Variants in KLHL26 observed in about 807,000 individuals in gnomAD.
KLHL26 encodes the protein kelch-like protein 26.
KLHL26 carries 4 observed loss-of-function variants against 7.1 expected under a neutral mutation model. That is an observed-to-expected ratio of 0.56 (90% CI 0.28 to 1.28). The LOEUF is 1.28. KLHL26 is among the 50% of genes most tolerant of loss of function. The probability of loss-of-function intolerance (pLI) is 0.11; values close to 1 mark genes in which losing one functional copy is unlikely to be tolerated. For synonymous variants in KLHL26, 465 were observed against 414.1 expected (o/e 1.12, Z -1.49); for missense variants, 896 against 924.6 (o/e 0.97, Z 0.40).
Position 18,667,817 on chromosome 19 carries a change from C to A in KLHL26, c.420C>A (p.Ala140=). 6.2e-7 allele frequency: 1 copy of A among 1,613,324 alleles called. No homozygotes were observed. The highest frequency in any genetic ancestry group is 1.3e-5 in the African/African-American group (1 of 75,042). Residue 140 remains alanine (A), a synonymous_variant, in exon 3 of 3, where the codon GCC becomes GCA. Transcript: ENST00000300976. The part of the protein sequence containing the change: ...LDCVQDVLGA[A]VFLQMLPVVE... ...GCGTGCAGGACGTGCTGGGCGCGGC[C>A]GTGTTCTTGCAGATGCTGCCCGTGG...
chr19:18,664,256 C>T lies in KLHL26; in HGVS notation c.84-5C>T, dbSNP rs778005147. The T allele has an allele frequency of 3.5e-5, 56 of 1,590,632 alleles. No individual in the cohort carries two copies. The highest frequency in any genetic ancestry group is 3.9e-5 in the Non-Finnish European group (46 of 1,168,996). On this transcript the variant is annotated splice_region_variant and splice_polypyrimidine_tract_variant and intron_variant, in intron 1 of 2. Transcript: ENST00000300976. ...GCCATGTCCCCACCTCTGCTTTCCC[C>T]GCAGCACGGCCGACAAGAACGGGGC...
chr19:18,651,499 T>C (rs2052256208), intron 1 of KLHL26, among the ~76,000 whole-genome samples: 1 of 152,226 alleles, frequency 6.6e-6, no homozygotes, highest in Admixed American at 6.5e-5. Context: ...GGGGCCCTTA[T>C]GAGAAGAGGG....
chr19:18,668,294 T>C lies in KLHL26; in HGVS notation c.897T>C (p.Ser299=). The part of the protein sequence containing the change: ...VLPFRQHEMQ[S]PRTAVRSDVP... ...CCTTCCGGCAGCACGAGATGCAGTCTCCGCGCACCGCCGTGCGCTCGGATG... is the reference window on the plus strand; with the variant it reads ...CCTTCCGGCAGCACGAGATGCAGTCCCCGCGCACCGCCGTGCGCTCGGATG... Residue 299 remains serine, a synonymous_variant, in exon 3 of 3, where the codon TCT becomes TCC. Transcript: ENST00000300976. 6.2e-7 allele frequency: 1 copy of C among 1,611,756 alleles called. No individual in the cohort carries two copies. The highest frequency in any genetic ancestry group is 8.5e-7 in the Non-Finnish European group (1 of 1,179,828).
chr19:18,642,079 C>T (rs1976722184), intron 1 of KLHL26, among the ~76,000 whole-genome samples: 1 of 152,142 alleles, frequency 6.6e-6, no homozygotes, highest in African/African-American at 2.4e-5. Context: ...GAAAATGGAT[C>T]ATATTTTGAG....
intron 1 of KLHL26, among the ~76,000 whole-genome samples, chr19:18,653,058 T>G (rs916347634): frequency 7.9e-5 from 12 of 151,864 alleles, no homozygotes; most frequent in Non-Finnish European, 1.6e-4. Context: ...CCCAAGTGGG[T>G]GGGTCCTATG....
chr19:18,645,162 C>A (rs1976780004), intron 1 of KLHL26, among the ~76,000 whole-genome samples: 1 of 152,112 alleles, frequency 6.6e-6, no homozygotes, highest in East Asian at 1.9e-4. Flanking sequence ...TTGCTGCAAG[C>A]ACAAAGGACA....
chr19:18,662,825 T>C (rs1040749350), intron 1 of KLHL26, among the ~76,000 whole-genome samples: 48 of 151,542 alleles, frequency 3.2e-4, no homozygotes, highest in Non-Finnish European at 6.3e-4. Context: ...AGCAGCCTGG[T>C]CAAGTGGGAT....
chr19:18,667,842 G>A lies in KLHL26; in HGVS notation c.445G>A (p.Val149Met). 6.2e-7 allele frequency: 1 copy of A among 1,613,190 alleles called. No homozygotes were observed. The highest frequency in any genetic ancestry group is 8.5e-7 in the Non-Finnish European group (1 of 1,179,986). Residue 149 changes from valine to methionine, a missense_variant, in exon 3 of 3, where the codon GTG becomes ATG. Physicochemically the swap from Val to Met is conservative, Grantham distance 21. Coordinates refer to ENST00000300976, the MANE Select transcript of KLHL26 (RefSeq NM_018316.3). Reference sequence around the variant, plus strand: ...CGTGTTCTTGCAGATGCTGCCCGTGGTGGAGCTGTGCGAGGAGTTCCTGAA... The same window carrying A: ...CGTGTTCTTGCAGATGCTGCCCGTGATGGAGCTGTGCGAGGAGTTCCTGAA... Reference protein sequence around the residue: ...AAVFLQMLPVVELCEEFLKAA... With the variant: ...AAVFLQMLPVMELCEEFLKAA...
intron 1 of KLHL26, among the ~76,000 whole-genome samples, chr19:18,662,466 G>T (rs925219181): frequency 6.6e-6 from 1 of 152,122 alleles, no homozygotes; most frequent in African/African-American, 2.4e-5. Context: ...GGCCTACTTC[G>T]TCTCATTTAC....
intron 2 of KLHL26, 175 bp from the exon 3 acceptor site, chr19:18,667,489 C>G (rs1234776623): frequency 8.7e-7 from 1 of 1,150,796 alleles, no homozygotes; most frequent in South Asian, 1.6e-5. Context: ...CAGGCATGAG[C>G]CACCGCGCCC....
chr19:18,663,201 G>A (rs1257481291), intron 1 of KLHL26, among the ~76,000 whole-genome samples: 1 of 152,240 alleles, frequency 6.6e-6, no homozygotes, highest in Non-Finnish European at 1.5e-5. Flanking sequence ...TCGCAGGCAG[G>A]GCTGGGGCTT....
Position 18,671,046 on chromosome 19 carries a change from C to G in KLHL26, c.*1801C>G, listed in dbSNP as rs940674367. The G allele has an allele frequency of 2.0e-5, 3 of 152,270 alleles. No individual in the cohort carries two copies. The highest frequency in any genetic ancestry group is 2.9e-5 in the Non-Finnish European group (2 of 68,106). The allele number at this position is 152,270 out of a possible 1,614,324, so 9.4% of individuals were successfully genotyped here. ...GCACTTTGGAAGAGCCTTCAGCCCC[C>G]TATTCTCATCATGGCCGGCCAAACT... On this transcript the variant is annotated 3_prime_UTR_variant, in exon 3 of 3. Transcript: ENST00000300976.
chr19:18,657,935 C>T (rs999738626), intron 1 of KLHL26, among the ~76,000 whole-genome samples: 1 of 152,210 alleles, frequency 6.6e-6, no homozygotes, highest in Non-Finnish European at 1.5e-5. Context: ...AACCCAGCAA[C>T]TCCATCCTGT....
intron 1 of KLHL26, among the ~76,000 whole-genome samples, chr19:18,647,648 G>A: frequency 6.6e-6 from 1 of 151,694 alleles, no homozygotes; most frequent in East Asian, 1.9e-4. Flanking sequence ...AGGAGGAGGA[G>A]GAAAGAGAGA....
At position 18,649,114 on chromosome 19, in the gene KLHL26, G is replaced by C. The variant is rs1976855351; in HGVS notation, c.83+11977G>C. On this transcript the variant is annotated intron_variant, in intron 1 of 2. Coordinates refer to ENST00000300976, the MANE Select transcript of KLHL26 (RefSeq NM_018316.3). This position sits in a 1 kb window ranked among gnomAD's most constrained non-coding sequence, Gnocchi z 4.0. ...CAGTGATTTGCACGGCTCAAGTGTT[G>C]TCTCCTCGGGGCCTGGCCACTGTGT... Among the ~76,000 whole-genome samples the C allele has an allele frequency of 6.6e-6, 1 of 152,166 alleles. No individual in the cohort carries two copies. The highest frequency in any genetic ancestry group is 2.1e-4 in the South Asian group (1 of 4,830).
At chr19:18,659,017 C>T (rs1031380990) in intron 1 of KLHL26, among the ~76,000 whole-genome samples, 4 of 151,954 alleles carry the variant, frequency 2.6e-5, no homozygotes, top group African/African-American at 9.7e-5. Flanking sequence ...TTCTCTGCGT[C>T]CCTGTTCCCC....
At position 18,664,307 on chromosome 19, in the gene KLHL26, A is replaced by G. The variant is rs528946301; in HGVS notation, c.130A>G (p.Ser44Gly). The G allele has an allele frequency of 7.5e-6, 12 of 1,608,912 alleles. No homozygotes were observed. In the South Asian group the frequency reaches 1.2e-4, roughly 16 times the overall value. The change falls in exon 2 of 3, where the codon AGC becomes GGC. Residue 44 changes from serine to glycine, a missense_variant. Transcript: ENST00000300976. Reference protein sequence around the residue: ...GALKCTFSAPSHSTSLLQGLA... With the variant: ...GALKCTFSAPGHSTSLLQGLA... ...CCTCAAGTGCACCTTCTCGGCACCC[A>G]GCCACAGCACCAGCCTCCTGCAGGG...
chr19:18,653,587 A>C, intron 1 of KLHL26, among the ~76,000 whole-genome samples: 1 of 40,122 alleles, frequency 2.5e-5, no homozygotes, highest in African/African-American at 1.1e-4. Context: ...CCACCCTACC[A>C]TCTACCCACC....
chr19:18,662,171 A>G (rs1481283351), intron 1 of KLHL26, among the ~76,000 whole-genome samples: 1 of 152,164 alleles, frequency 6.6e-6, no homozygotes, highest in African/African-American at 2.4e-5. Context: ...AAATGTACAC[A>G]TGCACACCTG....
Sources: allele counts gnomAD v4.1 joint callset (sites outside exome capture counted in the v4.1 genomes callset), GRCh38; gene constraint gnomAD v4.1.1; non-coding constraint Gnocchi (gnomAD v3.1); transcripts MANE v1.5; gene names NCBI Gene and HGNC (gene_info 2026-07-23, HGNC 2026-07-21).